CDC73: variants seen among roughly 807,000 people sequenced by gnomAD.
CDC73 encodes the protein parafibromin.
In CDC73, 21 loss-of-function variants were observed where a neutral mutation model predicts 83.7. The observed-to-expected ratio is 0.25, with a 90% CI of 0.18 to 0.36. CDC73 has a LOEUF of 0.36. CDC73 is among the 10% of genes least tolerant of loss of function. The probability of loss-of-function intolerance (pLI) is 1.00; values close to 1 mark genes in which losing one functional copy is unlikely to be tolerated. For missense variants in CDC73, 342 were observed against 653.3 expected (o/e 0.52, Z 5.19); for synonymous variants, 224 against 212.9 (o/e 1.05, Z -0.45).
intron 10 of CDC73, among the ~76,000 whole-genome samples, chr1:193,168,025 T>C (rs1210268612): frequency 6.6e-6 from 1 of 152,076 alleles, no homozygotes; most frequent in African/African-American, 2.4e-5. Flanking sequence ...CACGACTGGC[T>C]AATTTTTGTA....
intron 10 of CDC73, among the ~76,000 whole-genome samples, chr1:193,187,426 G>A (rs1010817012): frequency 6.6e-5 from 10 of 152,254 alleles, no homozygotes; most frequent in African/African-American, 1.9e-4. Context: ...AACTTGCCAT[G>A]AGGCAGATTT....
At chr1:193,130,312 A>G (rs771228216) in intron 3 of CDC73, 69 bp downstream of exon 3, 8 of 962,156 alleles carry the variant, frequency 8.3e-6, no homozygotes, top group East Asian at 7.2e-5. Flanking sequence ...TGAAATAATG[A>G]TTAGAGGGAA....
At chr1:193,210,551 A>G (rs1311678753) in intron 11 of CDC73, among the ~76,000 whole-genome samples, 1 of 152,220 alleles carries the variant, frequency 6.6e-6, no homozygotes, top group Non-Finnish European at 1.5e-5. Flanking sequence ...CATTATGTCA[A>G]CAAATATTTC....
At chr1:193,224,937 TG>T (rs1677540598) in intron 13 of CDC73, among the ~76,000 whole-genome samples, 1 of 152,136 alleles carries the variant, frequency 6.6e-6, no homozygotes, top group South Asian at 2.1e-4. Flanking sequence ...AGGTGGTATT[TG>T]GTTACATGAC....
At chr1:193,244,796 T>C (rs1026465818) in intron 15 of CDC73, among the ~76,000 whole-genome samples, 5 of 152,292 alleles carry the variant, frequency 3.3e-5, no homozygotes, top group Middle Eastern at 3.4e-3. Context: ...TCCACACGTG[T>C]ATTATGTCCT....
intron 10 of CDC73, among the ~76,000 whole-genome samples, chr1:193,191,361 C>CCAT (rs1358017245): frequency 2.6e-5 from 4 of 152,140 alleles, no homozygotes; most frequent in Non-Finnish European, 5.9e-5. Context: ...GACTTACATA[C>CCAT]TGAAATGCAT....
intron 10 of CDC73, among the ~76,000 whole-genome samples, chr1:193,199,309 C>A (rs1677050961): frequency 6.6e-6 from 1 of 152,060 alleles, no homozygotes; most frequent in South Asian, 2.1e-4. Flanking sequence ...CTCTCTCCTG[C>A]AATCCCAGCG....
chr1:193,193,921 A>C (rs1195925021), intron 10 of CDC73, among the ~76,000 whole-genome samples: 4 of 151,900 alleles, frequency 2.6e-5, no homozygotes, highest in African/African-American at 9.7e-5. Context: ...ATCATACTAA[A>C]TGTTTTCTTT....
chr1:193,232,402 G>A (rs1314463214), intron 13 of CDC73, among the ~76,000 whole-genome samples: 1 of 152,050 alleles, frequency 6.6e-6, no homozygotes, highest in Non-Finnish European at 1.5e-5. Flanking sequence ...GTATTAGTGT[G>A]GAAAATGCTA....
intron 11 of CDC73, among the ~76,000 whole-genome samples, chr1:193,209,956 ATCCATCCTGTTACCCC>A (rs1677248999): frequency 6.6e-6 from 1 of 151,930 alleles, no homozygotes. Flanking sequence ...TTTCCTGTTT[ATCCATCCTGTTACCCC>A]TTTATCTCTC....
intron 13 of CDC73, among the ~76,000 whole-genome samples, chr1:193,214,990 A>G (rs1470966917): frequency 6.6e-6 from 1 of 152,234 alleles, no homozygotes; most frequent in East Asian, 1.9e-4. Context: ...CCAACCTTCT[A>G]GGAGCTCACA....
intron 2 of CDC73, among the ~76,000 whole-genome samples, chr1:193,129,066 C>T (rs559168192): frequency 6.1e-4 from 90 of 148,164 alleles, no homozygotes; most frequent in Non-Finnish European, 1.0e-3. Flanking sequence ...GGCGTGATCT[C>T]GGCTTACTGC....
intron 5 of CDC73, among the ~76,000 whole-genome samples, chr1:193,135,954 G>A (rs1675790164): frequency 1.4e-5 from 2 of 147,594 alleles, no homozygotes; most frequent in Non-Finnish European, 1.5e-5. Flanking sequence ...TTGTAGCCTC[G>A]ACCTCCGGGG....
At chr1:193,232,807 G>A (rs1677683113) in intron 13 of CDC73, among the ~76,000 whole-genome samples, 186 bp from the exon 14 acceptor site, 1 of 152,012 alleles carries the variant, frequency 6.6e-6, no homozygotes, top group African/African-American at 2.4e-5. Context: ...GGAGGCTGAG[G>A]CAGGAGAATC....
intron 14 of CDC73, among the ~76,000 whole-genome samples, chr1:193,235,474 T>C (rs35447758): frequency 6.6e-6 from 1 of 152,208 alleles, no homozygotes; most frequent in African/African-American, 2.4e-5. Context: ...TTAACCATTA[T>C]TGCTGATAAT....
rs748472788 is a variant in CDC73 at position 193,152,376 on chromosome 1, G to A, written c.908-4G>A. The A allele has an allele frequency of 1.8e-5, 28 of 1,598,508 alleles. No homozygotes were observed. The highest frequency in any genetic ancestry group is 8.8e-5 in the South Asian group (8 of 90,720). ...CTTAACAATAAGCCTCTTTTTTTTC[G>A]TAGAAACGGAAGGCTTCAAAATTGA... On this transcript the variant is annotated splice_region_variant and splice_polypyrimidine_tract_variant and intron_variant, in intron 9 of 16. Coordinates refer to ENST00000367435, the MANE Select transcript of CDC73 (RefSeq NM_024529.5).
At chr1:193,214,286 A>T (rs1421777936) in intron 13 of CDC73, among the ~76,000 whole-genome samples, 1 of 152,222 alleles carries the variant, frequency 6.6e-6, no homozygotes, top group Non-Finnish European at 1.5e-5. Context: ...GTGTTTATGT[A>T]TAAAGTTCCC....
At position 193,181,701 on chromosome 1, in the gene CDC73, A is replaced by C. The variant is rs577961649; in HGVS notation, c.973-22094A>C. On this transcript the variant is annotated intron_variant, in intron 10 of 16. Transcript: ENST00000367435. Reference sequence around the variant, plus strand: ...AGTCATTCTATAAAAATGAAGCACAAAAGTTTACAGAACTGCCTGAAAGGG... The same window carrying C: ...AGTCATTCTATAAAAATGAAGCACACAAGTTTACAGAACTGCCTGAAAGGG... The C allele has an allele frequency of 4.9e-6, 4 of 823,770 alleles. 1 individual carries two copies. In the South Asian group the frequency reaches 8.7e-5, roughly 18 times the overall value. 51.0% of individuals were successfully genotyped at this position (823,770 alleles called of 1,614,324 possible). A position where few individuals can be genotyped will look rare whatever the true frequency, so the allele number is the denominator to read the frequency against.
rs1675472953 is a variant in CDC73 at position 193,122,514 on chromosome 1, C to T, written c.131+183C>T. On this transcript the variant is annotated intron_variant, in intron 1 of 16. Coordinates refer to ENST00000367435, the MANE Select transcript of CDC73 (RefSeq NM_024529.5). ...TAGGGTAAGGAAAGAAGGGGCGGAG[C>T]TCTAGAGCAGTTCATCACTTAAAAT... is the stretch of plus-strand genomic sequence containing the variant. 5 of 684,146 alleles carry T rather than the reference C, an allele frequency of 7.3e-6. No homozygotes were observed. In the Admixed American group the frequency reaches 1.2e-4, roughly 16 times the overall value. 42.4% of individuals were successfully genotyped at this position (684,146 alleles called of 1,614,324 possible).
Sources: allele counts gnomAD v4.1 joint callset (sites outside exome capture counted in the v4.1 genomes callset), GRCh38; gene constraint gnomAD v4.1.1; transcripts MANE v1.5; gene names NCBI Gene and HGNC (gene_info 2026-07-23, HGNC 2026-07-21).